Variants in ZNF618 observed in about 807,000 individuals in gnomAD.
ZNF618 encodes the protein zinc finger protein 618, also known as neural precursor cell expressed, developmentally down-regulated 10.
A neutral mutation model predicts 103.0 loss-of-function variants in ZNF618; 34 were observed. That is an observed-to-expected ratio of 0.33 (90% CI 0.25 to 0.44). The LOEUF (loss-of-function observed/expected upper bound fraction) is 0.44. Ranked by LOEUF, ZNF618 falls within the 20% of genes least tolerant of loss-of-function variation. ZNF618 has a pLI of 1.00. For missense variants in ZNF618, 1,059 were observed against 1,295.4 expected (o/e 0.82, Z 2.80); for synonymous variants, 551 against 542.2 (o/e 1.02, Z -0.23).
At chr9:114,016,672 A>C in intron 9 of ZNF618, 23 bp from the exon 10 acceptor site, 1 of 1,606,218 alleles carries the variant, frequency 6.2e-7, no homozygotes, top group Non-Finnish European at 8.5e-7. Context: ...ACATTCTTAC[A>C]CCTTCGTTTC....
chr9:114,040,971 T>G (rs968092591), intron 13 of ZNF618, among the ~76,000 whole-genome samples: 2 of 152,202 alleles, frequency 1.3e-5, no homozygotes, highest in African/African-American at 4.8e-5. Context: ...TTCCTATTTC[T>G]CCACATCCTC....
chr9:114,019,236 T>C (rs1316173410), intron 10 of ZNF618, among the ~76,000 whole-genome samples: 1 of 152,246 alleles, frequency 6.6e-6, no homozygotes, highest in Non-Finnish European at 1.5e-5. Context: ...ATACCGTTTG[T>C]TAGCCATTTA....
intron 6 of ZNF618, among the ~76,000 whole-genome samples, 161 bp from the exon 7 acceptor site, chr9:114,007,189 A>C (rs1239680188): frequency 6.6e-6 from 1 of 151,872 alleles, no homozygotes; most frequent in Admixed American, 6.6e-5. Context: ...ATCCCTTCTG[A>C]TCCTCAGTTT....
In ZNF618 at chr9:114,049,543, C is replaced by T. The variant is rs758325577; in HGVS notation, c.2241C>T (p.Ile747=). The part of the protein sequence containing the change: ...AILTPVKQAV[I]ELSNESQPTL... ...TGACGCCGGTGAAGCAGGCAGTCATCGAGCTGAGCAACGAGAGCCAGCCCA... is the reference window on the plus strand; with the variant it reads ...TGACGCCGGTGAAGCAGGCAGTCATTGAGCTGAGCAACGAGAGCCAGCCCA... Residue 747 remains isoleucine (I), a synonymous_variant, in exon 15 of 15, where the codon ATC becomes ATT. Coordinates refer to ENST00000374126, the MANE Select transcript of ZNF618 (RefSeq NM_001318042.2). 19 of 1,613,822 alleles carry T rather than the reference C, an allele frequency of 1.2e-5. No homozygotes were observed. The highest frequency in any genetic ancestry group is 8.8e-5 in the South Asian group (8 of 91,070).
intron 1 of ZNF618, among the ~76,000 whole-genome samples, chr9:113,943,325 G>A (rs1224345374): frequency 6.6e-6 from 1 of 152,202 alleles, no homozygotes; most frequent in Non-Finnish European, 1.5e-5. Flanking sequence ...AGATTGTTGG[G>A]TGAGGAGAGG....
chr9:114,036,866 G>A (rs1379136461), intron 13 of ZNF618, among the ~76,000 whole-genome samples: 1 of 152,200 alleles, frequency 6.6e-6, no homozygotes, highest in African/African-American at 2.4e-5. Context: ...CAAACCTGAG[G>A]ACACATCAGA....
chr9:113,997,054 CTCTT>C (rs10535696), intron 3 of ZNF618, among the ~76,000 whole-genome samples: 40,329 of 151,308 alleles, frequency 0.27, 6,167 homozygotes, highest in East Asian at 0.61. Context: ...TTCTCTCTCT[CTCTT>C]TCTTTTTTTT....
chr9:113,972,821 C>T (rs571459785), intron 2 of ZNF618, among the ~76,000 whole-genome samples: 2 of 152,146 alleles, frequency 1.3e-5, no homozygotes, highest in African/African-American at 4.8e-5. Context: ...AACCCCAGTA[C>T]TTTGGGAGGC....
chr9:113,887,371 A>G (rs1335513510), intron 1 of ZNF618, among the ~76,000 whole-genome samples: 1 of 152,246 alleles, frequency 6.6e-6, no homozygotes, highest in Admixed American at 6.5e-5. Context: ...ACTTTGAAAG[A>G]AAGCAAATCC....
chr9:113,932,217 T>G (rs953568446), intron 1 of ZNF618, among the ~76,000 whole-genome samples: 3 of 152,052 alleles, frequency 2.0e-5, no homozygotes, highest in African/African-American at 7.2e-5. Context: ...GAGGCGTGCA[T>G]GAAATGAGGA....
intron 1 of ZNF618, among the ~76,000 whole-genome samples, chr9:113,933,849 G>A (rs965378080): frequency 1.3e-5 from 2 of 152,040 alleles, no homozygotes; most frequent in Non-Finnish European, 2.9e-5. Context: ...GTGGGGGAGG[G>A]GCATGGCAGG....
chr9:114,035,202 C>G lies in ZNF618; in HGVS notation c.1169-1098C>G, dbSNP rs905989579. On this transcript the variant is annotated intron_variant, in intron 12 of 14. Coordinates refer to ENST00000374126, the MANE Select transcript of ZNF618 (RefSeq NM_001318042.2). The stretch of plus-strand genomic sequence containing the variant: ...TTTCTCTTTTGCAGAAACTGCAAGT[C>G]CCCTGATTTCCAACCCTTTCCCTCT... 3 of 985,912 alleles carry G rather than the reference C, an allele frequency of 3.0e-6. No homozygotes were observed. In the East Asian group the frequency reaches 3.4e-4, roughly 112 times the overall value. 61.1% of individuals were successfully genotyped at this position (985,912 alleles called of 1,614,324 possible). A position where few individuals can be genotyped will look rare whatever the true frequency, so the allele number is the denominator to read the frequency against.
chr9:114,027,108 T>TA (rs35190576), intron 10 of ZNF618, among the ~76,000 whole-genome samples: 15 of 149,544 alleles, frequency 1.0e-4, no homozygotes, highest in South Asian at 4.2e-4. Flanking sequence ...TTCTGTGGGT[T>TA]AAAAAAAAAA....
At chr9:114,037,462 G>A (rs558867646) in intron 13 of ZNF618, among the ~76,000 whole-genome samples, 20 of 152,262 alleles carry the variant, frequency 1.3e-4, no homozygotes, top group African/African-American at 4.6e-4. Context: ...CCACTGTCCC[G>A]GGACAGTTGG....
chr9:114,048,967 C>T lies in ZNF618; in HGVS notation c.1665C>T (p.Ser555=). Reference sequence around the variant, plus strand: ...TAGGCATCGGTGTCACCTGCCACTCCCAGAGTGTTGGCCCTGACTCCTGCT... The same window carrying T: ...TAGGCATCGGTGTCACCTGCCACTCTCAGAGTGTTGGCCCTGACTCCTGCT... The part of the protein sequence containing the change: ...ACLGIGVTCH[S]QSVGPDSCYI... Residue 555 remains serine (S), a synonymous_variant, in exon 15 of 15, where the codon TCC becomes TCT. Coordinates refer to ENST00000374126, the MANE Select transcript of ZNF618 (RefSeq NM_001318042.2). The T allele has an allele frequency of 6.2e-7, 1 of 1,612,666 alleles. No individual in the cohort carries two copies. Among genetic ancestry groups the T allele is most frequent in the South Asian group, 1.1e-5 (1 of 90,870 alleles).
Position 114,050,093 on chromosome 9 carries a change from C to T in ZNF618, c.2791C>T (p.Leu931=). The T allele has an allele frequency of 6.2e-7, 1 of 1,610,794 alleles. No homozygotes were observed. The change falls in exon 15 of 15, where the codon CTA becomes TTA. Residue 931 remains leucine, a synonymous_variant. Coordinates refer to ENST00000374126, the MANE Select transcript of ZNF618 (RefSeq NM_001318042.2). ...GCVNMCEQAL[L]IKRRRLLSPE... ...TGTAAATATGTGTGAACAAGCGCTT[C>T]TAATCAAACGGAGGCGGCTGCTCAG...
At chr9:113,942,668 A>G (rs1251578188) in intron 1 of ZNF618, among the ~76,000 whole-genome samples, 1 of 152,186 alleles carries the variant, frequency 6.6e-6, no homozygotes, top group Non-Finnish European at 1.5e-5. Context: ...AAATGATTGT[A>G]TCTCACTTCA....
At chr9:114,016,814 G>T (rs763113503) in intron 10 of ZNF618, 30 bp downstream of exon 10, 6 of 1,579,940 alleles carry the variant, frequency 3.8e-6, no homozygotes, top group African/African-American at 1.3e-5. Flanking sequence ...AGGGATGGGG[G>T]TTGGGGGACC....
At chr9:113,932,613 C>T (rs1050767299) in intron 1 of ZNF618, among the ~76,000 whole-genome samples, 2 of 152,060 alleles carry the variant, frequency 1.3e-5, no homozygotes, top group Admixed American at 1.3e-4. Context: ...GAATGAATGT[C>T]GATGTCAGAC....
Sources: gnomAD v4.1 joint callset for allele counts (sites outside exome capture counted in the v4.1 genomes callset) on GRCh38, gnomAD v4.1.1 for gene constraint, MANE v1.5 for transcripts, NCBI Gene and HGNC (gene_info 2026-07-23, HGNC 2026-07-21) for gene names.